The following RBFOX1 variants were observed in gnomAD, a reference collection of about 807,000 sequenced individuals.
RBFOX1 encodes the protein RNA binding fox-1 homolog 1, also known as RNA binding protein fox-1 homolog 1.
RBFOX1 carries 8 observed loss-of-function variants against 57.7 expected under a neutral mutation model. That is an observed-to-expected ratio of 0.14 (90% CI 0.08 to 0.25). The LOEUF (loss-of-function observed/expected upper bound fraction) is 0.25. Among genes scored for constraint, RBFOX1 ranks in the 10% least tolerant of loss-of-function variants. RBFOX1 has a pLI of 1.00. For missense variants in RBFOX1, 611 were observed against 548.5 expected (o/e 1.11, Z -1.14); for synonymous variants, 326 against 222.4 (o/e 1.47, Z -4.15).
At chr16:7,108,630 G>C (rs969490517) in intron 4 of RBFOX1, among the ~76,000 whole-genome samples, 1 of 152,100 alleles carries the variant, frequency 6.6e-6, no homozygotes, top group Non-Finnish European at 1.5e-5. Context: ...TTGTAAAATA[G>C]GAAAGTCTAC....
intron 3 of RBFOX1, among the ~76,000 whole-genome samples, chr16:7,042,130 A>C (rs934223399): frequency 1.3e-5 from 2 of 152,318 alleles, no homozygotes; most frequent in Admixed American, 6.5e-5. Flanking sequence ...TCAATAAGCC[A>C]AGTTTGGAAA....
chr16:7,676,970 A>G (rs1027030886), intron 14 of RBFOX1, 132 bp downstream of exon 14: 1 of 826,794 alleles, frequency 1.2e-6, no homozygotes, highest in Admixed American at 2.1e-5. Context: ...GTTAGGTCCC[A>G]TGGTGAACGT....
intron 2 of RBFOX1, among the ~76,000 whole-genome samples, chr16:6,464,346 C>T (rs2094991105): frequency 6.6e-6 from 1 of 152,096 alleles, no homozygotes; most frequent in Non-Finnish European, 1.5e-5. Flanking sequence ...CTTTTATCAG[C>T]AATGCTTTTT....
chr16:6,756,586 T>C (rs565458107), intron 3 of RBFOX1, among the ~76,000 whole-genome samples: 2 of 152,206 alleles, frequency 1.3e-5, no homozygotes, highest in South Asian at 4.2e-4. Context: ...ATCCAGAATA[T>C]ATGACAAGGA....
At chr16:6,632,849 A>T (rs1306973583) in intron 2 of RBFOX1, among the ~76,000 whole-genome samples, 9 of 152,172 alleles carry the variant, frequency 5.9e-5, no homozygotes, top group Non-Finnish European at 1.0e-4. Flanking sequence ...CTTTTCTTAA[A>T]ACCTGTTAAC....
intron 3 of RBFOX1, among the ~76,000 whole-genome samples, chr16:6,765,230 GC>G (rs775208225): frequency 2.0e-5 from 3 of 152,112 alleles, no homozygotes; most frequent in Non-Finnish European, 4.4e-5. Flanking sequence ...ACAGAATGAG[GC>G]CAGAACACAC....
chr16:6,534,143 A>G (rs1301047277), intron 2 of RBFOX1, among the ~76,000 whole-genome samples: 6 of 152,174 alleles, frequency 3.9e-5, no homozygotes. Flanking sequence ...GAAAAAAGGG[A>G]AATTACCCAA....
chr16:5,745,893 A>T (rs1267690238), intron 3 of RBFOX1, among the ~76,000 whole-genome samples: 1 of 152,024 alleles, frequency 6.6e-6, no homozygotes, highest in Non-Finnish European at 1.5e-5. Flanking sequence ...TAGGTTGCCT[A>T]TTGACTCTGA....
intron 2 of RBFOX1, among the ~76,000 whole-genome samples, chr16:6,638,902 G>A (rs1348746376): frequency 6.6e-6 from 1 of 152,264 alleles, no homozygotes; most frequent in Non-Finnish European, 1.5e-5. Flanking sequence ...GAAAGAACCA[G>A]TATTCATTTT....
chr16:5,656,722 C>T (rs1290155110), intron 3 of RBFOX1, among the ~76,000 whole-genome samples: 1 of 152,226 alleles, frequency 6.6e-6, no homozygotes, highest in Non-Finnish European at 1.5e-5. Context: ...CTGCAAAGGA[C>T]ATGAACTCAT....
At chr16:5,480,679 C>T (rs533958211) in intron 2 of RBFOX1, among the ~76,000 whole-genome samples, 5 of 152,330 alleles carry the variant, frequency 3.3e-5, no homozygotes, top group African/African-American at 1.2e-4. Flanking sequence ...AATATTTATA[C>T]CAGAGTGGTC....
At chr16:6,643,052 C>A (rs138743929) in intron 2 of RBFOX1, among the ~76,000 whole-genome samples, 4 of 152,158 alleles carry the variant, frequency 2.6e-5, no homozygotes, top group Non-Finnish European at 2.9e-5. Flanking sequence ...ATCTCTGCCA[C>A]GCTGAACCTT....
At chr16:6,033,024 G>T (rs967079668) in intron 1 of RBFOX1, among the ~76,000 whole-genome samples, 1 of 152,118 alleles carries the variant, frequency 6.6e-6, no homozygotes, top group Admixed American at 6.5e-5. Context: ...GCAAAGGAAG[G>T]TAGTGTAGGG....
chr16:6,430,117 A>G (rs1567252926), intron 2 of RBFOX1, among the ~76,000 whole-genome samples: 1 of 151,704 alleles, frequency 6.6e-6, no homozygotes, highest in Non-Finnish European at 1.5e-5. Flanking sequence ...TCAAGAAGAA[A>G]AAAAAAAAAC....
chr16:7,156,835 C>A (rs1156584206), intron 4 of RBFOX1, among the ~76,000 whole-genome samples: 1 of 152,086 alleles, frequency 6.6e-6, no homozygotes, highest in East Asian at 1.9e-4. Flanking sequence ...AGGATAATTT[C>A]TTATTTAATG....
intron 1 of RBFOX1, among the ~76,000 whole-genome samples, chr16:6,300,509 C>G (rs938022968): frequency 6.6e-6 from 1 of 152,142 alleles, no homozygotes; most frequent in Non-Finnish European, 1.5e-5. Flanking sequence ...AAGTTATTAG[C>G]GAGACTTGCA....
intron 3 of RBFOX1, among the ~76,000 whole-genome samples, chr16:5,817,935 C>A (rs1374435265): frequency 6.6e-6 from 1 of 151,894 alleles, no homozygotes; most frequent in Non-Finnish European, 1.5e-5. Flanking sequence ...CATGTTCTAC[C>A]CACCTCGGCC....
At chr16:6,373,483 T>A (rs2090766791) in intron 2 of RBFOX1, among the ~76,000 whole-genome samples, 1 of 151,690 alleles carries the variant, frequency 6.6e-6, no homozygotes, top group Non-Finnish European at 1.5e-5. Flanking sequence ...AGGAGGATGG[T>A]TGGTGGAATG....
intron 2 of RBFOX1, among the ~76,000 whole-genome samples, chr16:6,498,905 A>C (rs897926888): frequency 1.3e-5 from 2 of 152,182 alleles, no homozygotes; most frequent in East Asian, 3.8e-4. Context: ...ACCACCTTCT[A>C]TAGGCTTATA....
Sources: allele counts gnomAD v4.1 joint callset (sites outside exome capture counted in the v4.1 genomes callset), GRCh38; gene constraint gnomAD v4.1.1; transcripts MANE v1.5; gene names NCBI Gene and HGNC (gene_info 2026-07-23, HGNC 2026-07-21).